The following CYP4B1 variants were observed in gnomAD, a reference collection of about 807,000 sequenced individuals.
CYP4B1 encodes the protein cytochrome P450 family 4 subfamily B member 1.
In CYP4B1, 45 loss-of-function variants were observed where a neutral mutation model predicts 54.0. The observed-to-expected ratio is 0.83, with a 90% CI of 0.66 to 1.07. The LOEUF is 1.07. Ranked by LOEUF, CYP4B1 falls within the 50% of genes least tolerant of loss-of-function variation. The pLI is 0.00. For missense variants in CYP4B1, 656 were observed against 655.4 expected (o/e 1.00, Z -0.01); for synonymous variants, 248 against 247.5 (o/e 1.00, Z -0.02).
intron 1 of CYP4B1, among the ~76,000 whole-genome samples, chr1:46,810,593 C>T (rs946076708): frequency 1.2e-4 from 18 of 152,116 alleles, no homozygotes; most frequent in African/African-American, 1.4e-4. Context: ...GAGCTAACCC[C>T]GGTGTGAGAA....
At chr1:46,814,975 C>A (rs970421580) in intron 7 of CYP4B1, 99 bp from the exon 8 acceptor site, 1 of 1,070,018 alleles carries the variant, frequency 9.3e-7, no homozygotes. Flanking sequence ...AGCTTTCACT[C>A]CCTCCCAGAG....
At chr1:46,803,535 C>T (rs1176690611) in intron 1 of CYP4B1, among the ~76,000 whole-genome samples, 2 of 152,208 alleles carry the variant, frequency 1.3e-5, no homozygotes, top group Non-Finnish European at 1.5e-5. Context: ...AGCCATAAGA[C>T]TGGATTGTAA....
At chr1:46,814,839 G>A in intron 7 of CYP4B1, 1 of 557,240 alleles carries the variant, frequency 1.8e-6, no homozygotes, top group Non-Finnish European at 3.2e-6. Flanking sequence ...AGTCAGGGCT[G>A]GACAAGGTCA....
intron 1 of CYP4B1, among the ~76,000 whole-genome samples, chr1:46,804,712 T>C (rs1002531949): frequency 6.6e-6 from 1 of 152,066 alleles, no homozygotes; most frequent in African/African-American, 2.4e-5. Flanking sequence ...GTTTCTATTT[T>C]CTCTGGGAAG....
intron 1 of CYP4B1, among the ~76,000 whole-genome samples, chr1:46,808,496 G>GT (rs1354748535): frequency 9.3e-5 from 14 of 151,116 alleles, no homozygotes; most frequent in South Asian, 8.4e-4. Context: ...GGGGTTGTTT[G>GT]TTTTTTTCTT....
chr1:46,807,755 C>T lies in CYP4B1; in HGVS notation c.181-3053C>T, dbSNP rs144199447. ...TGATTACAGACGACTCCACAGAGGGCCTAGGAGGGGAAGAGCCCTAGAGAA... is the reference window on the plus strand; with the variant it reads ...TGATTACAGACGACTCCACAGAGGGTCTAGGAGGGGAAGAGCCCTAGAGAA... On this transcript the variant is annotated intron_variant, in intron 1 of 11. Coordinates refer to ENST00000371923, the MANE Select transcript of CYP4B1 (RefSeq NM_001099772.2). 7.5e-3 allele frequency among the ~76,000 whole-genome samples: 1,137 copies of T among 152,318 alleles called. 9 individuals carry two copies. Among genetic ancestry groups the T allele is most frequent in the African/African-American group, 0.026 (1,087 of 41,576 alleles).
At chr1:46,817,223 T>C (rs1345263139) in intron 9 of CYP4B1, 42 bp downstream of exon 9, 1 of 1,612,638 alleles carries the variant, frequency 6.2e-7, no homozygotes, top group Middle Eastern at 1.7e-4. Context: ...AGTCCCTGCA[T>C]GCTCCTCTGG....
chr1:46,816,768 T>G (rs894493979), intron 8 of CYP4B1, among the ~76,000 whole-genome samples: 3 of 152,126 alleles, frequency 2.0e-5, no homozygotes, highest in Non-Finnish European at 4.4e-5. Context: ...GAAGTGACCT[T>G]GTCTTTGATG....
chr1:46,818,280 GA>G, intron 11 of CYP4B1, 67 bp downstream of exon 11: 1 of 1,408,738 alleles, frequency 7.1e-7, no homozygotes, highest in Non-Finnish European at 1.0e-6. Flanking sequence ...CATCATAGGG[GA>G]GGCACTATTA....
rs1679199585 is a variant in CYP4B1 at position 46,813,539 on chromosome 1, G to A, written c.553G>A (p.Gly185Ser). ...GKSFDIFCDVGHMALNTLMKC... is the reference protein window; with the variant it reads ...GKSFDIFCDVSHMALNTLMKC... ...GTCCTTTGACATCTTCTGCGATGTGGGTCACATGGCGCTGAACACACTCAT... is the reference window on the plus strand; with the variant it reads ...GTCCTTTGACATCTTCTGCGATGTGAGTCACATGGCGCTGAACACACTCAT... Residue 185 changes from glycine to serine, a missense_variant, in exon 5 of 12, where the codon GGT (glycine) becomes AGT (serine). Gly to Ser is a moderately conservative substitution (Grantham distance 56). Transcript: ENST00000371923. The A allele has an allele frequency of 6.2e-7, 1 of 1,614,162 alleles. No homozygotes were observed. Among genetic ancestry groups the A allele is most frequent in the Non-Finnish European group, 8.5e-7 (1 of 1,180,008 alleles).
chr1:46,801,128 G>C (rs563505375), intron 1 of CYP4B1, among the ~76,000 whole-genome samples: 5 of 152,292 alleles, frequency 3.3e-5, no homozygotes, highest in African/African-American at 1.2e-4. Context: ...TAATGAACCA[G>C]TAGTGAATGT....
In CYP4B1 at chr1:46,818,919, C is replaced by A; in HGVS notation, c.*105C>A. The A allele has an allele frequency of 9.6e-7, 1 of 1,040,432 alleles. No homozygotes were observed. Among genetic ancestry groups the A allele is most frequent in the Non-Finnish European group, 1.4e-6 (1 of 707,542 alleles). The allele number at this position is 1,040,432 out of a possible 1,614,324, so 64.5% of individuals were successfully genotyped here. On this transcript the variant is annotated 3_prime_UTR_variant, in exon 12 of 12. Transcript: ENST00000371923. The stretch of plus-strand genomic sequence containing the variant: ...GTTGGGGCCCCCTGCCTTCAGGAGG[C>A]TTGTAGTTTAGAAGGGAAGTAGGCA...
In CYP4B1 at chr1:46,813,586, A is replaced by G. The variant is rs781172700; in HGVS notation, c.600A>G (p.Gly200=). The part of the protein sequence containing the change: ...NTLMKCTFGR[G]DTGLGHSRDS... ...TCATGAAGTGCACCTTTGGAAGAGG[A>G]GACACCGGCCTGGGCCACAGGTCAG... The change falls in exon 5 of 12, where the codon GGA becomes GGG. Residue 200 remains glycine, a synonymous_variant. Coordinates refer to ENST00000371923, the MANE Select transcript of CYP4B1 (RefSeq NM_001099772.2). The G allele has an allele frequency of 6.2e-7, 1 of 1,614,062 alleles. No homozygotes were observed. Among genetic ancestry groups the G allele is most frequent in the Non-Finnish European group, 8.5e-7 (1 of 1,180,024 alleles).
intron 5 of CYP4B1, 139 bp from the exon 6 acceptor site, chr1:46,813,769 GC>G: frequency 7.0e-7 from 1 of 1,423,026 alleles, no homozygotes; most frequent in East Asian, 2.3e-5. Context: ...TAAACACCTG[GC>G]TTTAGCAAGG....
chr1:46,818,276 A>G, intron 11 of CYP4B1, 63 bp downstream of exon 11: 3 of 1,432,700 alleles, frequency 2.1e-6, no homozygotes, highest in Admixed American at 1.7e-5. Flanking sequence ...ATGACATCAT[A>G]GGGGAGGCAC....
chr1:46,800,391 C>G (rs576295484), intron 1 of CYP4B1, among the ~76,000 whole-genome samples: 1 of 150,644 alleles, frequency 6.6e-6, no homozygotes, highest in East Asian at 2.0e-4. Flanking sequence ...GGTGCAGTGG[C>G]GCAATTTTGG....
chr1:46,818,000 A>G lies in CYP4B1; in HGVS notation c.1243A>G (p.Arg415Gly). The change falls in exon 10 of 12, where the codon AGG becomes GGG. Residue 415 changes from arginine (R) to glycine (G), a missense_variant. Physicochemically the swap from Arg to Gly is moderately radical, Grantham distance 125 (BLOSUM62 -2). Transcript: ENST00000371923. Reference sequence around the variant, plus strand: ...CTCTATGCATATCTATGCCCTCCATAGGAACAGTGCTGTATGGCCCGACCC... The same window carrying G: ...CTCTATGCATATCTATGCCCTCCATGGGAACAGTGCTGTATGGCCCGACCC... ...LISMHIYALHRNSAVWPDPEV... is the reference protein window; with the variant it reads ...LISMHIYALHGNSAVWPDPEV... 1 of 1,614,126 alleles carries G rather than the reference A, an allele frequency of 6.2e-7. No homozygotes were observed. The highest frequency in any genetic ancestry group is 8.5e-7 in the Non-Finnish European group (1 of 1,179,980).
At chr1:46,813,654 A>G in intron 5 of CYP4B1, 48 bp downstream of exon 5, 1 of 1,609,196 alleles carries the variant, frequency 6.2e-7, no homozygotes, top group Non-Finnish European at 8.5e-7. Flanking sequence ...AAGCCATCTT[A>G]GAGGGGAGAG....
At chr1:46,812,269 T>G (rs1679133640) in intron 3 of CYP4B1, 1 of 673,874 alleles carries the variant, frequency 1.5e-6, no homozygotes, top group Non-Finnish European at 2.7e-6. Flanking sequence ...ATACAGAAAC[T>G]GAGTTATCCT....
Sources: allele counts gnomAD v4.1 joint callset (sites outside exome capture counted in the v4.1 genomes callset), GRCh38; gene constraint gnomAD v4.1.1; transcripts MANE v1.5; gene names NCBI Gene and HGNC (gene_info 2026-07-23, HGNC 2026-07-21).